MED13L: variants seen among roughly 807,000 people sequenced by gnomAD.
MED13L encodes mediator of RNA polymerase II transcription subunit 13-like.
MED13L carries 7 observed loss-of-function variants against 220.9 expected under a neutral mutation model. The ratio of observed to expected loss-of-function variants is 0.03; its 90% CI spans 0.02 to 0.06. The LOEUF (loss-of-function observed/expected upper bound fraction) is 0.06, where lower values mean the gene tolerates loss of function less well. MED13L is among the 10% of genes least tolerant of loss of function. MED13L has a pLI of 1.00. For synonymous variants in MED13L, 1,011 were observed against 1,015.2 expected (o/e 1.00, Z 0.08); for missense variants, 1,965 against 2,760.5 (o/e 0.71, Z 6.46).
intron 2 of MED13L, among the ~76,000 whole-genome samples, chr12:116,199,669 G>C (rs1044213892): frequency 2.6e-5 from 4 of 151,744 alleles, no homozygotes; most frequent in African/African-American, 9.7e-5. Context: ...TTTAAGACCA[G>C]GAATCCATAC....
At chr12:116,025,685 A>T (rs867228942) in intron 4 of MED13L, among the ~76,000 whole-genome samples, 5 of 152,194 alleles carry the variant, frequency 3.3e-5, no homozygotes, top group Admixed American at 2.6e-4. Flanking sequence ...CTGATATCAT[A>T]TAAGTAGAGA....
intron 2 of MED13L, among the ~76,000 whole-genome samples, chr12:116,202,585 T>C (rs976082559): frequency 2.0e-5 from 3 of 152,106 alleles, no homozygotes; most frequent in Admixed American, 6.5e-5. Flanking sequence ...TCAGTTAGAA[T>C]TGCAATTCTA....
chr12:116,260,206 G>A (rs1272978193), intron 1 of MED13L, among the ~76,000 whole-genome samples: 1 of 152,166 alleles, frequency 6.6e-6, no homozygotes, highest in Non-Finnish European at 1.5e-5. Flanking sequence ...GTAGCCAAGT[G>A]AAAAACCTCC....
intron 1 of MED13L, among the ~76,000 whole-genome samples, chr12:116,271,693 T>C (rs879833526): frequency 6.6e-6 from 1 of 152,070 alleles, no homozygotes. Context: ...CACAACAGTT[T>C]GTAAATCAGA....
chr12:115,993,720 A>G (rs911028726), intron 16 of MED13L, among the ~76,000 whole-genome samples: 8 of 152,228 alleles, frequency 5.3e-5, no homozygotes, highest in African/African-American at 2.4e-5. Context: ...AAAAGGAACT[A>G]TGAGTACTAA....
At chr12:116,101,157 G>T (rs983986661) in intron 3 of MED13L, among the ~76,000 whole-genome samples, 2 of 151,994 alleles carry the variant, frequency 1.3e-5, no homozygotes, top group South Asian at 4.1e-4. Flanking sequence ...TTTCTGTCCC[G>T]ATCAAGCCTG....
chr12:116,030,949 G>A (rs948722792), intron 4 of MED13L, among the ~76,000 whole-genome samples: 3 of 152,138 alleles, frequency 2.0e-5, no homozygotes, highest in African/African-American at 7.2e-5. Context: ...AACAAATGAT[G>A]TGATGAATTA....
At position 116,277,331 on chromosome 12, in the gene MED13L, C is replaced by CA. The variant is rs1873958530; in HGVS notation, c.-201_-200insT. 6 of 348 alleles carry CA rather than the reference C, an allele frequency of 0.017. No individual in the cohort carries two copies. The highest frequency in any genetic ancestry group is 0.071 in the East Asian group (1 of 14). The allele number at this position is 348 out of a possible 1,614,324, so 0.0% of individuals were successfully genotyped here. On this transcript the variant is annotated 5_prime_UTR_variant, in exon 1 of 31. Coordinates refer to ENST00000281928, the MANE Select transcript of MED13L (RefSeq NM_015335.5). ...GCCGGGGGCAGCGGGCCCGGGCTGG[C>CA]GGGGGGGGCGCGCGCCCCGGGCCGG...
intron 2 of MED13L, among the ~76,000 whole-genome samples, chr12:116,200,916 T>C (rs1025756584): frequency 6.6e-6 from 1 of 152,138 alleles, no homozygotes; most frequent in African/African-American, 2.4e-5. Context: ...AGGGATGGTG[T>C]AAGCAAAAGG....
Position 116,188,650 on chromosome 12 carries a change from T to C in MED13L, c.310+48818A>G, listed in dbSNP as rs1565919505. On this transcript the variant is annotated intron_variant, in intron 2 of 30. Transcript: ENST00000281928. The stretch of plus-strand genomic sequence containing the variant: ...GTAGTACAACATCACAACCAGCATA[T>C]TGACACTGATATGGTCAAGATACAG... 4.6e-5 allele frequency among the ~76,000 whole-genome samples: 7 copies of C among 152,266 alleles called. No individual in the cohort carries two copies. In the South Asian group the frequency reaches 1.2e-3, roughly 27 times the overall value.
intron 14 of MED13L, among the ~76,000 whole-genome samples, chr12:115,998,012 C>T (rs1878514540): frequency 6.6e-6 from 1 of 152,172 alleles, no homozygotes; most frequent in African/African-American, 2.4e-5. Context: ...TTTGGGGAAA[C>T]TCACAGCTGC....
chr12:116,264,090 G>C (rs1410661142), intron 1 of MED13L, among the ~76,000 whole-genome samples: 1 of 152,106 alleles, frequency 6.6e-6, no homozygotes, highest in Non-Finnish European at 1.5e-5. Context: ...GTATTAAACT[G>C]TTAACTCTTA....
intron 22 of MED13L, among the ~76,000 whole-genome samples, chr12:115,981,478 G>T (rs1474438810): frequency 1.3e-5 from 2 of 152,066 alleles, no homozygotes; most frequent in Non-Finnish European, 2.9e-5. Context: ...CATCTATATA[G>T]AATTTTTTAA....
In MED13L at chr12:115,975,500, A is replaced by G; in HGVS notation, c.5588+15T>C. On this transcript the variant is annotated intron_variant, in intron 24 of 30. Transcript: ENST00000281928. ...GCATTAATTTACATGCACCATAAAC[A>G]TCAAGTCTTCTCACCTGTTTGGTAA... is the stretch of plus-strand genomic sequence containing the variant. 6.2e-7 allele frequency: 1 copy of G among 1,609,816 alleles called. No homozygotes were observed. The highest frequency in any genetic ancestry group is 8.5e-7 in the Non-Finnish European group (1 of 1,176,202).
intron 27 of MED13L, 110 bp from the exon 28 acceptor site, chr12:115,969,207 A>G: frequency 1.7e-6 from 2 of 1,166,148 alleles, no homozygotes; most frequent in Non-Finnish European, 2.5e-6. Context: ...TATGGCTATT[A>G]TGGACACACA....
At chr12:115,964,221 A>G (rs566664356) in intron 29 of MED13L, among the ~76,000 whole-genome samples, 1 of 152,356 alleles carries the variant, frequency 6.6e-6, no homozygotes, top group African/African-American at 2.4e-5. Flanking sequence ...ATTATCACAG[A>G]AAAATTAACA....
At chr12:116,238,015 T>A (rs150983631) in intron 1 of MED13L, among the ~76,000 whole-genome samples, 43 of 152,348 alleles carry the variant, frequency 2.8e-4, no homozygotes, top group African/African-American at 9.1e-4. Flanking sequence ...AGAAAACTAT[T>A]TTCTATGTTA....
intron 4 of MED13L, among the ~76,000 whole-genome samples, chr12:116,047,589 T>C (rs750743865): frequency 2.0e-5 from 3 of 151,924 alleles, no homozygotes; most frequent in Admixed American, 1.3e-4. Context: ...TTAAAGAAAA[T>C]AGATTAAGAT....
At chr12:116,178,220 A>G (rs540726952) in intron 2 of MED13L, among the ~76,000 whole-genome samples, 1 of 152,094 alleles carries the variant, frequency 6.6e-6, no homozygotes, top group Non-Finnish European at 1.5e-5. Context: ...AGTTCCATAG[A>G]TATGTATTAT....
Sources: gnomAD v4.1 joint callset for allele counts (sites outside exome capture counted in the v4.1 genomes callset) on GRCh38, gnomAD v4.1.1 for gene constraint, MANE v1.5 for transcripts, NCBI Gene and HGNC (gene_info 2026-07-23, HGNC 2026-07-21) for gene names.